The following KAZN variants were observed in gnomAD, a reference collection of about 807,000 sequenced individuals.
KAZN encodes the protein kazrin, periplakin interacting protein.
KAZN carries 40 observed loss-of-function variants against 87.4 expected under a neutral mutation model. The observed-to-expected ratio is 0.46, with a 90% CI of 0.36 to 0.60. KAZN has a LOEUF of 0.60. KAZN is among the 20% of genes least tolerant of loss of function. The pLI is 0.00. For missense variants in KAZN, 898 were observed against 1,073.9 expected (o/e 0.84, Z 2.29); for synonymous variants, 466 against 458.3 (o/e 1.02, Z -0.22).
At chr1:15,109,535 T>C (rs1118189) in intron 13 of KAZN, among the ~76,000 whole-genome samples, 51,297 of 152,050 alleles carry the variant, frequency 0.34, 8,861 homozygotes, top group South Asian at 0.48. Context: ...TAAGATGTAA[T>C]TGTAGCAATT....
chr1:14,142,426 A>G (rs529579179), intron 1 of KAZN, among the ~76,000 whole-genome samples: 2 of 152,312 alleles, frequency 1.3e-5, no homozygotes, highest in South Asian at 2.1e-4. Context: ...AAATATGTCA[A>G]TGTTATTGCA....
At chr1:14,595,017 C>A (rs545523326), upstream of KAZN, among the ~76,000 whole-genome samples, 1 of 152,138 alleles carries the variant, frequency 6.6e-6, no homozygotes, top group South Asian at 2.1e-4. Context: ...TGGTGGTGGG[C>A]ACCTGTAACC....
At chr1:14,494,189 G>A (rs191552412) in intron 2 of KAZN, among the ~76,000 whole-genome samples, 2 of 152,322 alleles carry the variant, frequency 1.3e-5, no homozygotes, top group Non-Finnish European at 1.5e-5. Flanking sequence ...GAGCCAGCAA[G>A]TCCCTGTCCC....
intron 1 of KAZN, among the ~76,000 whole-genome samples, chr1:13,975,824 A>G (rs1403700880): frequency 6.6e-6 from 1 of 152,178 alleles, no homozygotes; most frequent in Non-Finnish European, 1.5e-5. Flanking sequence ...GAATGAATGA[A>G]TGAATCAAAA....
At chr1:14,534,358 G>GCA (rs1210399605) in intron 2 of KAZN, among the ~76,000 whole-genome samples, 2 of 152,192 alleles carry the variant, frequency 1.3e-5, no homozygotes, top group African/African-American at 2.4e-5. Context: ...TAAAGCTGTA[G>GCA]CACTGGCTGG....
At chr1:14,109,356 C>G (rs560748827) in intron 1 of KAZN, among the ~76,000 whole-genome samples, 1 of 152,328 alleles carries the variant, frequency 6.6e-6, no homozygotes, top group South Asian at 2.1e-4. Context: ...AACTAACTCT[C>G]CTTCTGATGT....
At chr1:14,071,236 G>T (rs980417454) in intron 1 of KAZN, among the ~76,000 whole-genome samples, 3 of 152,142 alleles carry the variant, frequency 2.0e-5, no homozygotes, top group African/African-American at 7.2e-5. Context: ...CCCAAACTGG[G>T]ATTCAGGGTC....
chr1:14,237,530 T>TA (rs997682149), intron 2 of KAZN, among the ~76,000 whole-genome samples: 4 of 152,140 alleles, frequency 2.6e-5, no homozygotes, highest in Admixed American at 1.3e-4. Context: ...ATCTTTCACT[T>TA]AGGCACACCC....
rs527497371 is a variant in KAZN, at chr1:14,794,296, C to T, written c.227-166388C>T. ...GAGATGTGGAAATCCCTAAAAATTC[C>T]TGTGGCATCCAGAATGAAACCTCAG... On this transcript the variant is annotated intron_variant, in intron 1 of 14. Transcript: ENST00000376030. Among the ~76,000 whole-genome samples the T allele has an allele frequency of 2.0e-5, 3 of 152,326 alleles. No individual in the cohort carries two copies. The East Asian group carries it at 5.8e-4, about 29-fold the overall frequency.
intron 2 of KAZN, among the ~76,000 whole-genome samples, chr1:14,354,645 G>C (rs961203109): frequency 7.1e-5 from 10 of 141,464 alleles, no homozygotes; most frequent in Admixed American, 4.3e-4. Context: ...AGCTAAATTA[G>C]ACACACACAC....
chr1:14,918,707 A>AATATATATAT (rs201058383), intron 1 of KAZN, among the ~76,000 whole-genome samples: 99 of 24,544 alleles, frequency 4.0e-3, no homozygotes, highest in Non-Finnish European at 4.9e-3. Context: ...AAAAAAAAAA[A>AATATATATAT]ATATATATAT....
At chr1:14,635,641 C>G (rs1017387461) in intron 1 of KAZN, among the ~76,000 whole-genome samples, 4 of 152,224 alleles carry the variant, frequency 2.6e-5, no homozygotes, top group African/African-American at 9.6e-5. Flanking sequence ...TCTCTCAGGG[C>G]ATCATTGGAG....
intron 1 of KAZN, among the ~76,000 whole-genome samples, chr1:14,035,059 C>T (rs1473297794): frequency 3.9e-5 from 6 of 152,132 alleles, no homozygotes; most frequent in Non-Finnish European, 8.8e-5. Flanking sequence ...TTCCCTTTTC[C>T]CAACACAAAA....
At chr1:14,797,590 G>T (rs920830169) in intron 1 of KAZN, among the ~76,000 whole-genome samples, 1 of 152,068 alleles carries the variant, frequency 6.6e-6, no homozygotes, top group Non-Finnish European at 1.5e-5. Context: ...GAAAAATGAG[G>T]GCAATCTCAT....
intron 3 of KAZN, among the ~76,000 whole-genome samples, chr1:15,036,849 A>T (rs1440076563): frequency 3.9e-5 from 6 of 152,168 alleles, no homozygotes; most frequent in African/African-American, 7.2e-5. Context: ...GTGTCCATTC[A>T]TTTAACATCC....
intron 1 of KAZN, among the ~76,000 whole-genome samples, chr1:14,086,404 A>G (rs35174898): frequency 0.093 from 14,079 of 152,068 alleles, 866 homozygotes; most frequent in Non-Finnish European, 0.12. Flanking sequence ...CCCTGTTTCC[A>G]TGCGGTCTCA....
intron 2 of KAZN, among the ~76,000 whole-genome samples, chr1:14,338,488 GA>G (rs543667115): frequency 0.051 from 4,194 of 81,534 alleles, 84 homozygotes; most frequent in South Asian, 0.096. Context: ...CCATCTTAGA[GA>G]AAAAAAAAAA....
intron 2 of KAZN, among the ~76,000 whole-genome samples, chr1:14,329,217 G>C (rs820628): frequency 1.3e-5 from 2 of 151,910 alleles, no homozygotes; most frequent in Admixed American, 1.3e-4. Context: ...TAACAACACT[G>C]AGCTTGTAAC....
At chr1:15,053,740 G>A (rs547290077) in intron 4 of KAZN, among the ~76,000 whole-genome samples, 51 of 152,350 alleles carry the variant, frequency 3.3e-4, no homozygotes, top group African/African-American at 1.1e-3. Flanking sequence ...AGATAATCCC[G>A]AACTCCCTAC....
Sources: allele counts gnomAD v4.1 joint callset (sites outside exome capture counted in the v4.1 genomes callset), GRCh38; gene constraint gnomAD v4.1.1; transcripts MANE v1.5; gene names NCBI Gene and HGNC (gene_info 2026-07-23, HGNC 2026-07-21).